The following CCT2 variants were observed in gnomAD, a reference collection of about 807,000 sequenced individuals.
CCT2 encodes the protein chaperonin containing TCP1 subunit 2.
CCT2 carries 18 observed loss-of-function variants against 61.8 expected under a neutral mutation model. That is an observed-to-expected ratio of 0.29 (90% CI 0.20 to 0.43). The LOEUF is 0.43. Among genes scored for constraint, CCT2 ranks in the 20% least tolerant of loss-of-function variants. The pLI is 1.00. For missense variants in CCT2, 556 were observed against 656.9 expected, an observed-to-expected ratio of 0.85 and a Z score of 1.68; for synonymous variants, 248 against 215.9, an observed-to-expected ratio of 1.15 and a Z score of -1.30.
At chr12:69,597,066 T>C in intron 10 of CCT2, 90 bp from the exon 11 acceptor site, 1 of 1,175,802 alleles carries the variant, frequency 8.5e-7, no homozygotes, top group South Asian at 1.5e-5. Flanking sequence ...TGAAACACAT[T>C]ACCTATCATT....
At chr12:69,593,171 T>C (rs1274948687) in intron 9 of CCT2, 68 bp downstream of exon 9, 8 of 1,383,868 alleles carry the variant, frequency 5.8e-6, no homozygotes, top group East Asian at 2.3e-5. Context: ...TATTTACTTA[T>C]ATTGAATTAG....
At chr12:69,585,558 C>T (rs748237416) in intron 1 of CCT2, 34 bp downstream of exon 1, 2 of 1,566,780 alleles carry the variant, frequency 1.3e-6, no homozygotes, top group African/African-American at 2.7e-5. Context: ...TGCCCTACCC[C>T]TGCTCCGCCG....
Position 69,601,318 on chromosome 12 carries a change from CCT to C in CCT2, c.1602_1603del (p.Cys535LeufsTer39). The stretch of plus-strand genomic sequence containing the variant: ...AGGAAACGTGTCCCTGATCACCACC[CCT>C]GTTAAGCATTCCCACGTGCTGTCGA... On this transcript the variant is annotated frameshift_variant, in exon 16 of 16. Transcript: ENST00000299300. LOFTEE classifies it high-confidence loss of function. 1 of 1,608,752 alleles carries C rather than the reference CCT, an allele frequency of 6.2e-7. No individual in the cohort carries two copies. The highest frequency in any genetic ancestry group is 8.5e-7 in the Non-Finnish European group (1 of 1,178,582).
intron 15 of CCT2, 140 bp downstream of exon 15, chr12:69,600,144 A>G (rs1593102737): frequency 2.5e-6 from 2 of 795,528 alleles, no homozygotes; most frequent in Non-Finnish European, 3.8e-6. Context: ...AAATATCACA[A>G]CTCTTAACAC....
intron 6 of CCT2, among the ~76,000 whole-genome samples, chr12:69,588,937 T>C (rs542869596): frequency 1.3e-5 from 2 of 152,380 alleles, no homozygotes; most frequent in Non-Finnish European, 2.9e-5. Context: ...TTTATTTATT[T>C]ATTTTGAGAC....
chr12:69,597,391 G>T, intron 11 of CCT2, 116 bp downstream of exon 11: 1 of 1,273,540 alleles, frequency 7.9e-7, no homozygotes, highest in African/African-American at 1.5e-5. Context: ...CTCTTCAGAA[G>T]CATGATACAT....
Position 69,593,043 on chromosome 12 carries a change from A to C in CCT2, c.818A>C (p.Glu273Ala). 6.2e-7 allele frequency: 1 copy of C among 1,613,138 alleles called. No homozygotes were observed. The highest frequency in any genetic ancestry group is 8.5e-7 in the Non-Finnish European group (1 of 1,179,154). The change falls in exon 9 of 16, where the codon GAA becomes GCA. Residue 273 changes from glutamate to alanine, a missense_variant. Physicochemically the swap from Glu to Ala is moderately radical, Grantham distance 107. This residue lies in a region of CCT2 where 308 missense variants were observed against 350.6 expected (regional missense o/e 0.88). Transcript: ENST00000299300. ...KVAEIEHAEK[E>A]KMKEKVERIL... ...GCAGAAATAGAACATGCGGAAAAGG[A>C]AAAAATGAAGGAGAAAGTTGAACGT... is the stretch of plus-strand genomic sequence containing the variant.
chr12:69,598,275 G>A (rs1461589809), intron 13 of CCT2, 47 bp from the exon 14 acceptor site: 7 of 1,343,308 alleles, frequency 5.2e-6, no homozygotes, highest in African/African-American at 4.4e-5. Flanking sequence ...TAAATCAGTG[G>A]TTCTTACAGT....
At chr12:69,594,559 C>T (rs539355219) in intron 10 of CCT2, among the ~76,000 whole-genome samples, 1 of 152,264 alleles carries the variant, frequency 6.6e-6, no homozygotes, top group South Asian at 2.1e-4. Flanking sequence ...GTCTACATCA[C>T]AATGACATGA....
intron 10 of CCT2, among the ~76,000 whole-genome samples, chr12:69,595,259 C>T (rs955400531): frequency 3.9e-5 from 6 of 152,058 alleles, no homozygotes; most frequent in African/African-American, 1.2e-4. Context: ...GAGACATTTT[C>T]CTTTAATTAC....
intron 10 of CCT2, among the ~76,000 whole-genome samples, chr12:69,595,010 A>C (rs1051010718): frequency 2.6e-5 from 4 of 152,146 alleles, no homozygotes; most frequent in Non-Finnish European, 4.4e-5. Flanking sequence ...ACTTTTCTAG[A>C]TTTTAGGTCC....
chr12:69,585,749 A>T, intron 1 of CCT2: 1 of 1,441,888 alleles, frequency 6.9e-7, no homozygotes, highest in Non-Finnish European at 9.1e-7. Context: ...CCTTGTGCCT[A>T]GGTCTTTGCA....
intron 3 of CCT2, 66 bp downstream of exon 3, chr12:69,586,884 C>T (rs1288672061): frequency 8.5e-6 from 8 of 942,716 alleles, no homozygotes; most frequent in Non-Finnish European, 1.1e-5. Flanking sequence ...AATATAATAA[C>T]AAGCGTATTA....
intron 10 of CCT2, among the ~76,000 whole-genome samples, chr12:69,595,730 AATATAT>A (rs1881969795): frequency 6.6e-6 from 1 of 152,032 alleles, no homozygotes; most frequent in Non-Finnish European, 1.5e-5. Flanking sequence ...AAATGGTAAT[AATATAT>A]TGATGGGATA....
At position 69,585,505 on chromosome 12, in the gene CCT2, C is replaced by G; in HGVS notation, c.-17C>G. 6 of 1,565,366 alleles carry G rather than the reference C, an allele frequency of 3.8e-6. No homozygotes were observed. Among genetic ancestry groups the G allele is most frequent in the Non-Finnish European group, 5.2e-6 (6 of 1,153,974 alleles). On this transcript the variant is annotated 5_prime_UTR_variant, in exon 1 of 16. Coordinates refer to ENST00000299300, the MANE Select transcript of CCT2 (RefSeq NM_006431.3). The stretch of plus-strand genomic sequence containing the variant: ...AGCTGTGAGGGGATTCACTTGTGTG[C>G]GGAACTCCTCGGAACCATGGTGAGC...
chr12:69,590,637 A>G (rs1315334813), intron 7 of CCT2, among the ~76,000 whole-genome samples: 2 of 151,792 alleles, frequency 1.3e-5, no homozygotes, highest in African/African-American at 4.8e-5. Flanking sequence ...TCTGTGTCAT[A>G]GGTCTTGATT....
chr12:69,599,009 T>C (rs1448462837), intron 14 of CCT2, among the ~76,000 whole-genome samples: 1 of 152,204 alleles, frequency 6.6e-6, no homozygotes, highest in Non-Finnish European at 1.5e-5. Flanking sequence ...TTATGAATTT[T>C]CTTCCATTTG....
intron 10 of CCT2, 109 bp from the exon 11 acceptor site, chr12:69,597,047 T>C: frequency 1.0e-6 from 1 of 961,698 alleles, no homozygotes; most frequent in Non-Finnish European, 1.5e-6. Context: ...GCAATCAATT[T>C]TTAAAATGTG....
chr12:69,599,013 C>T (rs1332032861), intron 14 of CCT2, among the ~76,000 whole-genome samples: 1 of 152,086 alleles, frequency 6.6e-6, no homozygotes, highest in South Asian at 2.1e-4. Flanking sequence ...GAATTTTCTT[C>T]CATTTGTTTT....
Sources: allele counts gnomAD v4.1 joint callset (sites outside exome capture counted in the v4.1 genomes callset), GRCh38; gene constraint gnomAD v4.1.1; regional missense constraint gnomAD v4.1.1; transcripts MANE v1.5; gene names NCBI Gene and HGNC (gene_info 2026-07-23, HGNC 2026-07-21).